The following CLSTN2 variants were observed in gnomAD, a reference collection of about 807,000 sequenced individuals.
CLSTN2 encodes the protein calsyntenin 2.
In CLSTN2, 48 loss-of-function variants were observed where a neutral mutation model predicts 101.2. That is an observed-to-expected ratio of 0.47 (90% confidence interval 0.38 to 0.60). The LOEUF is 0.60. CLSTN2 is among the 20% of genes least tolerant of loss of function. CLSTN2 has a pLI of 0.00. For synonymous variants in CLSTN2, 481 were observed against 463.6 expected (o/e 1.04, Z -0.48); for missense variants, 1,160 against 1,238.2 (o/e 0.94, Z 0.95).
intron 2 of CLSTN2, among the ~76,000 whole-genome samples, chr3:140,205,735 G>A (rs1378266463): frequency 1.3e-5 from 2 of 151,606 alleles, no homozygotes; most frequent in African/African-American, 4.8e-5. Flanking sequence ...TGATGATTGA[G>A]CCCCTACTGT....
chr3:140,055,538 G>A (rs940117286), intron 1 of CLSTN2, among the ~76,000 whole-genome samples: 7 of 152,158 alleles, frequency 4.6e-5, no homozygotes, highest in East Asian at 1.9e-4. Context: ...AAACCAAGGC[G>A]TAAACCTTGG....
chr3:140,049,558 G>A (rs2007949767), intron 1 of CLSTN2, among the ~76,000 whole-genome samples: 1 of 152,152 alleles, frequency 6.6e-6, no homozygotes, highest in South Asian at 2.1e-4. Flanking sequence ...TGACACACAT[G>A]AGCAATGAGG....
In CLSTN2 at chr3:140,191,384, A is replaced by G. The variant is rs1236295428; in HGVS notation, c.232+15311A>G. 5.3e-5 allele frequency among the ~76,000 whole-genome samples: 8 copies of G among 152,012 alleles called. No individual in the cohort carries two copies. The East Asian group carries it at 1.5e-3, about 29-fold the overall frequency. On this transcript the variant is annotated intron_variant, in intron 2 of 16. Coordinates refer to ENST00000458420, the MANE Select transcript of CLSTN2 (RefSeq NM_022131.3). Reference sequence around the variant, plus strand: ...AGTCTGTAGTTTTCTTTGTATTGCTATTGTCTAGTTTTATGTCAGAGTAAT... The same window carrying G: ...AGTCTGTAGTTTTCTTTGTATTGCTGTTGTCTAGTTTTATGTCAGAGTAAT...
chr3:140,078,182 G>A (rs780690577), intron 1 of CLSTN2, among the ~76,000 whole-genome samples: 13 of 152,280 alleles, frequency 8.5e-5, no homozygotes, highest in Non-Finnish European at 1.8e-4. Flanking sequence ...GTCAGGAGAT[G>A]CTTGCAGTAG....
chr3:140,231,857 T>C lies in CLSTN2; in HGVS notation c.232+55784T>C, dbSNP rs72990103. ...GGTCAATTCAAGCTGTGTAGTGTAG[T>C]AGTTAGGAGCACAGACTTGGCAGCC... On this transcript the variant is annotated intron_variant, in intron 2 of 16. Transcript: ENST00000458420. 4.2e-3 allele frequency among the ~76,000 whole-genome samples: 633 copies of C among 152,298 alleles called. 3 individuals carry two copies. The highest frequency in any genetic ancestry group is 0.014 in the African/African-American group (600 of 41,572).
At chr3:140,341,868 T>G (rs2107936532) in intron 2 of CLSTN2, among the ~76,000 whole-genome samples, 1 of 152,290 alleles carries the variant, frequency 6.6e-6, no homozygotes, top group South Asian at 2.1e-4. Context: ...TATATAATAT[T>G]TTTTCAAGAG....
chr3:140,505,843 T>C (rs1488511685), intron 8 of CLSTN2: 1 of 152,214 alleles, frequency 6.6e-6, no homozygotes, highest in African/African-American at 2.4e-5. Context: ...TCAACTACAT[T>C]ACTGAGTAGT....
At chr3:140,014,624 C>T (rs1162275113) in intron 1 of CLSTN2, among the ~76,000 whole-genome samples, 1 of 151,960 alleles carries the variant, frequency 6.6e-6, no homozygotes, top group Non-Finnish European at 1.5e-5. Flanking sequence ...AAGGAGAGTC[C>T]CACAAACAGA....
chr3:140,063,399 C>T (rs1450544482), intron 1 of CLSTN2, among the ~76,000 whole-genome samples: 1 of 152,128 alleles, frequency 6.6e-6, no homozygotes, highest in Non-Finnish European at 1.5e-5. Flanking sequence ...CCAGCTAGAA[C>T]CAAAATGATA....
intron 1 of CLSTN2, among the ~76,000 whole-genome samples, chr3:139,980,503 T>C (rs1391559740): frequency 6.6e-6 from 1 of 152,128 alleles, no homozygotes; most frequent in Non-Finnish European, 1.5e-5. Context: ...TTTGTCTCTT[T>C]CTTGTTCATC....
At chr3:140,499,651 G>A (rs974228010) in intron 8 of CLSTN2, among the ~76,000 whole-genome samples, 4 of 152,118 alleles carry the variant, frequency 2.6e-5, no homozygotes, top group African/African-American at 9.7e-5. Flanking sequence ...GCAGGGGGTG[G>A]TAAAAATCAC....
At chr3:140,103,646 G>A (rs2009004634) in intron 1 of CLSTN2, among the ~76,000 whole-genome samples, 1 of 152,160 alleles carries the variant, frequency 6.6e-6, no homozygotes, top group Non-Finnish European at 1.5e-5. Flanking sequence ...CTGGGTAGTA[G>A]GCTCAGCCAT....
At chr3:140,218,481 G>T (rs1361483503) in intron 2 of CLSTN2, among the ~76,000 whole-genome samples, 8 of 152,264 alleles carry the variant, frequency 5.3e-5, no homozygotes. Context: ...ATAGCAGGTT[G>T]TCATTAGAAG....
At chr3:139,993,633 C>T (rs1360405275) in intron 1 of CLSTN2, among the ~76,000 whole-genome samples, 1 of 152,208 alleles carries the variant, frequency 6.6e-6, no homozygotes, top group South Asian at 2.1e-4. Context: ...AAGAAACTCA[C>T]AAACCGTGCC....
chr3:140,194,334 C>T (rs1199391634), intron 2 of CLSTN2, among the ~76,000 whole-genome samples: 1 of 151,986 alleles, frequency 6.6e-6, no homozygotes, highest in African/African-American at 2.4e-5. Flanking sequence ...TTTATAAGGG[C>T]ACTAATTCCA....
intron 1 of CLSTN2, among the ~76,000 whole-genome samples, chr3:140,056,874 G>A (rs2008106741): frequency 1.3e-5 from 2 of 152,158 alleles, no homozygotes; most frequent in Admixed American, 1.3e-4. Context: ...ATCATTTTAT[G>A]GATACTGAAA....
At chr3:140,227,612 G>A (rs2086334752) in intron 2 of CLSTN2, among the ~76,000 whole-genome samples, 1 of 152,176 alleles carries the variant, frequency 6.6e-6, no homozygotes, top group Non-Finnish European at 1.5e-5. Flanking sequence ...TGGGGGCTTA[G>A]AACCCACATT....
intron 1 of CLSTN2, among the ~76,000 whole-genome samples, chr3:140,054,045 C>T (rs1045563594): frequency 6.6e-6 from 1 of 152,126 alleles, no homozygotes; most frequent in Non-Finnish European, 1.5e-5. Context: ...CTGGCATGCA[C>T]AGATGTTTAA....
intron 8 of CLSTN2, among the ~76,000 whole-genome samples, chr3:140,529,209 T>A (rs1935205130): frequency 6.6e-6 from 1 of 152,206 alleles, no homozygotes; most frequent in African/African-American, 2.4e-5. Context: ...TCCTTTGGCG[T>A]TGTCCCTGCT....
Sources: gnomAD v4.1 joint callset for allele counts (sites outside exome capture counted in the v4.1 genomes callset) on GRCh38, gnomAD v4.1.1 for gene constraint, MANE v1.5 for transcripts, NCBI Gene and HGNC (gene_info 2026-07-23, HGNC 2026-07-21) for gene names.